The following POU2F1 variants were observed in gnomAD, a reference collection of about 807,000 sequenced individuals.
POU2F1 encodes the protein POU class 2 homeobox 1, also known as POU domain, class 2, transcription factor 1.
A neutral mutation model predicts 84.9 loss-of-function variants in POU2F1; 16 were observed. That is an observed-to-expected ratio of 0.19 (90% CI 0.13 to 0.29). The LOEUF is 0.29. Among genes scored for constraint, POU2F1 ranks in the 10% least tolerant of loss-of-function variants. POU2F1 has a pLI of 1.00. For synonymous variants in POU2F1, 368 were observed against 368.3 expected (o/e 1.00, Z 0.01); for missense variants, 738 against 942.6 (o/e 0.78, Z 2.84).
At position 167,419,863 on chromosome 1, in the gene POU2F1, C is replaced by CT. The variant is rs1183784774; in HGVS notation, c.*4059dup. 2 of 152,060 alleles carry CT rather than the reference C, an allele frequency of 1.3e-5. No individual in the cohort carries two copies. Among genetic ancestry groups the CT allele is most frequent in the Non-Finnish European group, 2.9e-5 (2 of 68,006 alleles). 9.4% of individuals were successfully genotyped at this position (152,060 alleles called of 1,614,324 possible). ...AATGCTAGCACTGTAAGAAATAAGTCTTTTTTGTTTAAAAAAGGGAAGATA... is the reference window on the plus strand; with the variant it reads ...AATGCTAGCACTGTAAGAAATAAGTCTTTTTTTGTTTAAAAAAGGGAAGATA... On this transcript the variant is annotated 3_prime_UTR_variant, in exon 16 of 16. Transcript: ENST00000367866.
At chr1:167,383,283 CAAAG>C (rs1478800345) in intron 7 of POU2F1, among the ~76,000 whole-genome samples, 2 of 152,146 alleles carry the variant, frequency 1.3e-5, no homozygotes, top group South Asian at 2.1e-4. Context: ...CTTCTACAAA[CAAAG>C]AGTTTGTATT....
At chr1:167,334,329 T>G (rs974236393) in intron 2 of POU2F1, among the ~76,000 whole-genome samples, 3 of 151,850 alleles carry the variant, frequency 2.0e-5, no homozygotes, top group Non-Finnish European at 4.4e-5. Context: ...CCCAGCTAAT[T>G]TTTTGTATTT....
chr1:167,397,390 C>A (rs1648883899), intron 10 of POU2F1, among the ~76,000 whole-genome samples: 1 of 152,126 alleles, frequency 6.6e-6, no homozygotes, highest in African/African-American at 2.4e-5. Context: ...GAACTGGAGA[C>A]ATAGAGCTGA....
At chr1:167,363,104 A>G (rs1195222615) in intron 2 of POU2F1, among the ~76,000 whole-genome samples, 1 of 152,162 alleles carries the variant, frequency 6.6e-6, no homozygotes, top group Non-Finnish European at 1.5e-5. Context: ...AGACCATTGT[A>G]CCAGGGATAC....
At chr1:167,394,025 A>AT (rs1553220894) in intron 9 of POU2F1, among the ~76,000 whole-genome samples, 2 of 140,546 alleles carry the variant, frequency 1.4e-5, no homozygotes, top group Admixed American at 7.0e-5. Context: ...ATTTTATTTT[A>AT]TTTATTTTTT....
intron 9 of POU2F1, 99 bp downstream of exon 9, chr1:167,389,860 G>C: frequency 7.3e-7 from 1 of 1,367,278 alleles, no homozygotes; most frequent in Non-Finnish European, 1.0e-6. Flanking sequence ...GATTCAACTA[G>C]TCCAAAATAT....
intron 1 of POU2F1, among the ~76,000 whole-genome samples, chr1:167,288,113 A>G (rs1653661005): frequency 6.6e-6 from 1 of 152,212 alleles, no homozygotes; most frequent in African/African-American, 2.4e-5. Context: ...AGATGTACTT[A>G]AGAGAGAAGG....
intron 1 of POU2F1, chr1:167,329,279 A>G (rs1051649119): frequency 3.2e-6 from 5 of 1,548,690 alleles, no homozygotes; most frequent in South Asian, 1.2e-5. Context: ...TTTCACAGCA[A>G]TGCTGGACTG....
At chr1:167,329,245 T>C in intron 1 of POU2F1, 1 of 1,546,444 alleles carries the variant, frequency 6.5e-7, no homozygotes, top group Non-Finnish European at 8.7e-7. Flanking sequence ...CTTCCTTGTT[T>C]GGACTCTCTG....
At chr1:167,322,613 C>T (rs759021908) in intron 1 of POU2F1, among the ~76,000 whole-genome samples, 64 of 152,290 alleles carry the variant, frequency 4.2e-4, no homozygotes, top group Admixed American at 3.5e-3. Context: ...CGCTACTTGC[C>T]GAGACCAGGT....
At chr1:167,256,563 G>A (rs1651155742) in intron 1 of POU2F1, among the ~76,000 whole-genome samples, 1 of 152,074 alleles carries the variant, frequency 6.6e-6, no homozygotes, top group Non-Finnish European at 1.5e-5. Context: ...GAATAACTGA[G>A]GTTAAGTGAG....
intron 2 of POU2F1, among the ~76,000 whole-genome samples, chr1:167,335,843 A>G (rs1657409251): frequency 6.6e-6 from 1 of 152,252 alleles, no homozygotes; most frequent in African/African-American, 2.4e-5. Context: ...CAAAGAAAAT[A>G]AATGTGTTAG....
At chr1:167,241,915 G>A (rs1649935915) in intron 1 of POU2F1, among the ~76,000 whole-genome samples, 1 of 152,178 alleles carries the variant, frequency 6.6e-6, no homozygotes, top group South Asian at 2.1e-4. Flanking sequence ...ACTAAAGGAA[G>A]GATACATTGT....
At chr1:167,282,850 G>A (rs1653253773) in intron 1 of POU2F1, among the ~76,000 whole-genome samples, 1 of 152,176 alleles carries the variant, frequency 6.6e-6, no homozygotes, top group South Asian at 2.1e-4. Flanking sequence ...CTACTGTCCA[G>A]GTTAAAACTT....
intron 1 of POU2F1, among the ~76,000 whole-genome samples, chr1:167,249,965 C>T (rs996257351): frequency 6.6e-6 from 1 of 152,124 alleles, no homozygotes; most frequent in African/African-American, 2.4e-5. Flanking sequence ...ATACTTATTT[C>T]ATTAACAGGA....
chr1:167,297,084 A>G (rs1654334071), intron 1 of POU2F1, among the ~76,000 whole-genome samples: 2 of 152,214 alleles, frequency 1.3e-5, no homozygotes, highest in South Asian at 4.1e-4. Flanking sequence ...TGCACTAATA[A>G]CCAGACCCAA....
intron 1 of POU2F1, among the ~76,000 whole-genome samples, chr1:167,324,823 C>G (rs1656585015): frequency 6.6e-6 from 1 of 152,140 alleles, no homozygotes; most frequent in South Asian, 2.1e-4. Context: ...ATGGTATCTG[C>G]CCATCTAGAT....
chr1:167,275,537 C>A (rs1407104006), intron 1 of POU2F1, among the ~76,000 whole-genome samples: 5 of 152,104 alleles, frequency 3.3e-5, no homozygotes, highest in African/African-American at 1.2e-4. Flanking sequence ...TTCAACAGTT[C>A]AGATTTTTCA....
At chr1:167,310,680 T>A (rs906775435) in intron 1 of POU2F1, among the ~76,000 whole-genome samples, 2 of 152,110 alleles carry the variant, frequency 1.3e-5, no homozygotes, top group Admixed American at 1.3e-4. Flanking sequence ...GACAGAGATG[T>A]TAGGATTATC....
Sources: gnomAD v4.1 joint callset for allele counts (sites outside exome capture counted in the v4.1 genomes callset) on GRCh38, gnomAD v4.1.1 for gene constraint, MANE v1.5 for transcripts, NCBI Gene and HGNC (gene_info 2026-07-23, HGNC 2026-07-21) for gene names.